The following SHTN1 variants were observed in gnomAD, a reference collection of about 807,000 sequenced individuals.
SHTN1 encodes the protein shootin-1.
SHTN1 carries 42 observed loss-of-function variants against 83.1 expected under a neutral mutation model. The observed-to-expected ratio is 0.51, with a 90% CI of 0.39 to 0.65. The LOEUF (loss-of-function observed/expected upper bound fraction) is 0.65. Among genes scored for constraint, SHTN1 ranks in the 30% least tolerant of loss-of-function variants. The pLI, the probability that SHTN1 is intolerant of heterozygous loss-of-function variation, is 0.00. For missense variants in SHTN1, 622 were observed against 737.8 expected, an observed-to-expected ratio of 0.84 and a Z score of 1.82; for synonymous variants, 224 against 247.7, an observed-to-expected ratio of 0.90 and a Z score of 0.90.
At position 117,092,811 on chromosome 10, in the gene SHTN1, A is replaced by C. The variant is rs545544281; in HGVS notation, c.-189+33496T>G. ...AAAGTGAGGGGGAGATAAGGGAGAG[A>C]CTGAGGCTGAAGGGTTTAAAAAGAA... is the stretch of plus-strand genomic sequence containing the variant. On this transcript the variant is annotated intron_variant, in intron 1 of 17. Coordinates refer to the SHTN1 transcript ENST00000392901. Among the ~76,000 whole-genome samples the C allele has an allele frequency of 1.2e-4, 19 of 152,304 alleles. No individual in the cohort carries two copies. In the East Asian group the frequency reaches 3.3e-3, roughly 26 times the overall value.
chr10:117,079,852 T>A (rs1315113138), intron 1 of SHTN1, among the ~76,000 whole-genome samples: 6 of 148,890 alleles, frequency 4.0e-5, no homozygotes, highest in Admixed American at 3.4e-4. Context: ...GAAGTGTCTG[T>A]TCATGTCCTT....
intron 1 of SHTN1, among the ~76,000 whole-genome samples, chr10:117,104,609 C>G (rs1164000246): frequency 6.6e-6 from 1 of 152,074 alleles, no homozygotes. Context: ...CCCATCTCTA[C>G]TAAAAGTACA....
intron 1 of SHTN1, among the ~76,000 whole-genome samples, chr10:116,987,931 A>C (rs190401008): frequency 0.011 from 1,611 of 152,166 alleles, 18 homozygotes; most frequent in Non-Finnish European, 0.012. Flanking sequence ...AACAAACAAA[A>C]AAAAAAACCG....
intron 7 of SHTN1, 58 bp from the exon 8 acceptor site, chr10:116,945,076 A>G (rs1849527989): frequency 9.7e-7 from 1 of 1,026,690 alleles, no homozygotes; most frequent in Non-Finnish European, 1.5e-6. Flanking sequence ...ATAATCAGGA[A>G]TATGGATGAA....
At chr10:116,903,851 A>G (rs1274744381) in intron 15 of SHTN1, among the ~76,000 whole-genome samples, 1 of 152,232 alleles carries the variant, frequency 6.6e-6, no homozygotes, top group Admixed American at 6.5e-5. Flanking sequence ...ATACAAAAAG[A>G]CATTTTAAAA....
intron 1 of SHTN1, among the ~76,000 whole-genome samples, chr10:116,998,325 G>C (rs1851703571): frequency 1.3e-5 from 2 of 152,074 alleles, no homozygotes; most frequent in Admixed American, 1.3e-4. Context: ...ACAGACAGTA[G>C]TTTCCCTCTT....
chr10:116,922,746 CCTGAGG>C (rs1164503577), intron 11 of SHTN1, among the ~76,000 whole-genome samples: 2 of 152,232 alleles, frequency 1.3e-5, no homozygotes, highest in East Asian at 3.9e-4. Flanking sequence ...GGGCAGATCA[CCTGAGG>C]TCAGGAGTTC....
intron 2 of SHTN1, among the ~76,000 whole-genome samples, chr10:116,969,514 T>C (rs1850526688): frequency 6.6e-6 from 1 of 152,136 alleles, no homozygotes; most frequent in Non-Finnish European, 1.5e-5. Flanking sequence ...AAGTGATCCA[T>C]GTGTCCTCAG....
intron 2 of SHTN1, among the ~76,000 whole-genome samples, chr10:117,016,041 T>C (rs541073098): frequency 6.6e-6 from 1 of 152,330 alleles, no homozygotes; most frequent in Non-Finnish European, 1.5e-5. Context: ...ACCACACATT[T>C]AGATGTGTTT....
intron 11 of SHTN1, among the ~76,000 whole-genome samples, chr10:116,926,839 TA>T (rs1268728197): frequency 2.0e-5 from 3 of 152,242 alleles, no homozygotes; most frequent in African/African-American, 7.2e-5. Context: ...TTGTCTTATG[TA>T]ATTCTAGATG....
chr10:116,927,821 TGGTGGTGGAGGAGGA>T lies in SHTN1; in HGVS notation c.1068_1082del (p.Pro357_Pro361del). 6.3e-7 allele frequency: 1 copy of T among 1,599,154 alleles called. No homozygotes were observed. Among genetic ancestry groups the T allele is most frequent in the Non-Finnish European group, 8.5e-7 (1 of 1,172,928 alleles). ...TAGGATTGGGAGGTGGAGGGGGAAG[TGGTGGTGGAGGAGGA>T]GGTGGTGGAGGTACTGAATTCTCAG... On this transcript the variant is annotated inframe_deletion, in exon 11 of 17. Transcript: ENST00000355371.
chr10:117,027,214 G>T (rs1382015936), intron 2 of SHTN1, among the ~76,000 whole-genome samples: 1 of 152,078 alleles, frequency 6.6e-6, no homozygotes, highest in Non-Finnish European at 1.5e-5. Flanking sequence ...GGTTGGAGGT[G>T]ACTGGCTCAT....
Position 116,907,981 on chromosome 10 carries a change from C to G in SHTN1, c.1360-1234G>C, listed in dbSNP as rs1848041152. 8.1e-6 allele frequency: 4 copies of G among 491,716 alleles called. 1 individual carries two copies. Among genetic ancestry groups the G allele is most frequent in the South Asian group, 4.5e-5 (3 of 67,208 alleles). The allele number at this position is 491,716 out of a possible 1,614,324, so 30.5% of individuals were successfully genotyped here. ...TTGTTTTAGCCATTTTTACAAGAAG[C>G]CTTGTTTCTTCTTTAGCATGTAAAA... On this transcript the variant is annotated intron_variant, in intron 14 of 16. Coordinates refer to ENST00000355371, the MANE Select transcript of SHTN1 (RefSeq NM_001127211.3).
chr10:117,001,349 G>T (rs1309631147), intron 1 of SHTN1, among the ~76,000 whole-genome samples: 1 of 151,916 alleles, frequency 6.6e-6, no homozygotes, highest in Non-Finnish European at 1.5e-5. Flanking sequence ...TTCAGAAGTG[G>T]GTGTGATTTA....
intron 9 of SHTN1, among the ~76,000 whole-genome samples, chr10:116,939,271 C>T (rs1849279245): frequency 6.6e-6 from 1 of 152,176 alleles, no homozygotes; most frequent in African/African-American, 2.4e-5. Context: ...CAGTTTTGTG[C>T]TTGAATCCCA....
intron 6 of SHTN1, among the ~76,000 whole-genome samples, chr10:116,949,652 C>T (rs570165858): frequency 6.6e-6 from 1 of 152,122 alleles, no homozygotes; most frequent in East Asian, 1.9e-4. Flanking sequence ...TGCCCTAGAA[C>T]TTAAAGTATA....
intron 2 of SHTN1, among the ~76,000 whole-genome samples, chr10:117,037,878 T>C (rs1327296636): frequency 6.8e-6 from 1 of 146,640 alleles, no homozygotes; most frequent in Non-Finnish European, 1.5e-5. Flanking sequence ...TGGTGGCACA[T>C]GCTTATATTC....
intron 5 of SHTN1, among the ~76,000 whole-genome samples, chr10:116,953,618 G>GTTTTTTTTT (rs1413652753): frequency 6.1e-5 from 5 of 82,002 alleles, no homozygotes; most frequent in African/African-American, 1.4e-4. Context: ...TCAGTTTTGT[G>GTTTTTTTTT]TTTTGTTTTT....
At chr10:117,068,826 A>G (rs1258980621) in intron 1 of SHTN1, among the ~76,000 whole-genome samples, 1 of 152,198 alleles carries the variant, frequency 6.6e-6, no homozygotes, top group African/African-American at 2.4e-5. Context: ...CAAAATGTGT[A>G]AAGTGCTGGT....
Sources: gnomAD v4.1 joint callset for allele counts (sites outside exome capture counted in the v4.1 genomes callset) on GRCh38, gnomAD v4.1.1 for gene constraint, MANE v1.5 for transcripts, NCBI Gene and HGNC (gene_info 2026-07-23, HGNC 2026-07-21) for gene names.